Variants in NFATC1 observed in about 807,000 individuals in gnomAD.
NFATC1 encodes the protein nuclear factor of activated T cells 1, also known as nuclear factor of activated T-cells, cytoplasmic 1.
A neutral mutation model predicts 76.0 loss-of-function variants in NFATC1; 22 were observed. That is an observed-to-expected ratio of 0.29 (90% CI 0.21 to 0.41). The LOEUF is 0.41. NFATC1 is among the 10% of genes least tolerant of loss of function. The pLI is 1.00. For synonymous variants in NFATC1, 704 were observed against 613.1 expected, an observed-to-expected ratio of 1.15 and a Z score of -2.19; for missense variants, 1,357 against 1,337.7, an observed-to-expected ratio of 1.01 and a Z score of -0.23.
At chr18:79,519,963 A>C (rs2090475294) in intron 9 of NFATC1, among the ~76,000 whole-genome samples, 1 of 152,158 alleles carries the variant, frequency 6.6e-6, no homozygotes, top group Admixed American at 6.5e-5. Context: ...CGGGCGAGAT[A>C]AGTGGCATTG....
At chr18:79,517,561 T>C (rs1600987517) in intron 9 of NFATC1, among the ~76,000 whole-genome samples, 1 of 152,218 alleles carries the variant, frequency 6.6e-6, no homozygotes, top group Non-Finnish European at 1.5e-5. Context: ...CATGCCCCCG[T>C]AGGCCGTGGG....
intron 2 of NFATC1, among the ~76,000 whole-genome samples, chr18:79,427,187 CGTT>C (rs1290377146): frequency 2.0e-5 from 3 of 152,212 alleles, no homozygotes; most frequent in African/African-American, 7.2e-5. Context: ...CATGCCGTGA[CGTT>C]GTCCTTCACG....
intron 8 of NFATC1, among the ~76,000 whole-genome samples, chr18:79,479,000 G>A (rs886932234): frequency 6.6e-6 from 1 of 152,232 alleles, no homozygotes; most frequent in African/African-American, 2.4e-5. Context: ...GGGCTGCCGT[G>A]GACGATGGGG....
Position 79,410,569 on chromosome 18 carries a change from G to A in NFATC1, c.294G>A (p.Ala98=), listed in dbSNP as rs2230113. 2.2e-3 allele frequency: 3,571 copies of A among 1,611,706 alleles called. 68 individuals carry two copies. In the African/African-American group the frequency reaches 0.042, roughly 19 times the overall value. The change falls in exon 2 of 10, where the codon GCG becomes GCA. Residue 98 remains alanine (A), a synonymous_variant. Transcript: ENST00000427363. The surrounding 1 kb of genome is among the most constrained non-coding windows in gnomAD (Gnocchi z 6.7). ...GYGAALDGGP[A]GYFLSSGHTR... Reference sequence around the variant, plus strand: ...GAGCAGCTTTGGACGGTGGGCCCGCGGGCTACTTCCTCTCCTCCGGCCACA... The same window carrying A: ...GAGCAGCTTTGGACGGTGGGCCCGCAGGCTACTTCCTCTCCTCCGGCCACA...
intron 9 of NFATC1, among the ~76,000 whole-genome samples, chr18:79,520,710 TGTGTGGGG>T (rs2090512643): frequency 2.3e-4 from 2 of 8,730 alleles, no homozygotes; most frequent in East Asian, 2.7e-3. Context: ...CTGATATGTG[TGTGTGGGG>T]GGGGGGCATC....
intron 3 of NFATC1, chr18:79,448,529 A>G: frequency 1.9e-6 from 1 of 525,912 alleles, no homozygotes. Context: ...GAATGGGCAC[A>G]CACAGCAAGT....
chr18:79,527,636 T>G lies in NFATC1; in HGVS notation c.*59T>G. Reference sequence around the variant, plus strand: ...ATGCTGACTTCAGCAGACAAAGACTTTTGAATAAATAAACTGAACTCACAC... The same window carrying G: ...ATGCTGACTTCAGCAGACAAAGACTGTTGAATAAATAAACTGAACTCACAC... On this transcript the variant is annotated 3_prime_UTR_variant, in exon 10 of 10. Coordinates refer to ENST00000427363, the MANE Select transcript of NFATC1 (RefSeq NM_001278669.2). The G allele has an allele frequency of 6.7e-7, 1 of 1,493,126 alleles. No individual in the cohort carries two copies. The highest frequency in any genetic ancestry group is 9.3e-7 in the Non-Finnish European group (1 of 1,072,688). The allele number at this position is 1,493,126 out of a possible 1,614,324, so 92.5% of individuals were successfully genotyped here.
At chr18:79,468,106 C>G (rs1188084155) in intron 8 of NFATC1, 1 of 513,632 alleles carries the variant, frequency 1.9e-6, no homozygotes, top group Non-Finnish European at 2.5e-6. Flanking sequence ...CACGGGCATC[C>G]AGGCTGGGGC....
Position 79,527,655 on chromosome 18 carries a change from C to T in NFATC1, c.*78C>T. On this transcript the variant is annotated 3_prime_UTR_variant, in exon 10 of 10. Coordinates refer to ENST00000427363, the MANE Select transcript of NFATC1 (RefSeq NM_001278669.2). Reference sequence around the variant, plus strand: ...AAGACTTTTGAATAAATAAACTGAACTCACACCTGGTACCACTCAGAACCT... The same window carrying T: ...AAGACTTTTGAATAAATAAACTGAATTCACACCTGGTACCACTCAGAACCT... 7.7e-7 allele frequency: 1 copy of T among 1,292,982 alleles called. No homozygotes were observed. The highest frequency in any genetic ancestry group is 1.1e-6 in the Non-Finnish European group (1 of 896,036). The allele number at this position is 1,292,982 out of a possible 1,614,324, so 80.1% of individuals were successfully genotyped here.
At chr18:79,513,907 C>T (rs2090319669) in intron 9 of NFATC1, among the ~76,000 whole-genome samples, 1 of 152,190 alleles carries the variant, frequency 6.6e-6, no homozygotes, top group African/African-American at 2.4e-5. Flanking sequence ...TCCTTTGTCT[C>T]CCTGTGTGCT....
At chr18:79,415,989 G>A (rs2085863345) in intron 2 of NFATC1, among the ~76,000 whole-genome samples, 1 of 152,230 alleles carries the variant, frequency 6.6e-6, no homozygotes, top group Non-Finnish European at 1.5e-5. Flanking sequence ...TTGAACCCAG[G>A]AGGCGGAGGT....
intron 6 of NFATC1, among the ~76,000 whole-genome samples, chr18:79,456,889 A>C (rs1454792793): frequency 6.6e-6 from 1 of 152,204 alleles, no homozygotes; most frequent in African/African-American, 2.4e-5. Context: ...CGTCCGCGGC[A>C]CGGGCAGCCT....
At chr18:79,473,456 CATT>C (rs1285342401) in intron 8 of NFATC1, among the ~76,000 whole-genome samples, 1 of 149,400 alleles carries the variant, frequency 6.7e-6, no homozygotes, top group Non-Finnish European at 1.5e-5. Context: ...GTTCTCAGCT[CATT>C]GTCGACGTAA....
At chr18:79,457,886 G>A (rs1027381736) in intron 6 of NFATC1, among the ~76,000 whole-genome samples, 16 of 152,204 alleles carry the variant, frequency 1.1e-4, no homozygotes, top group African/African-American at 3.6e-4. Context: ...GGGTCAGGGC[G>A]TAGGGTCCTC....
chr18:79,495,333 C>T (rs1221020614), intron 9 of NFATC1, among the ~76,000 whole-genome samples: 3 of 152,210 alleles, frequency 2.0e-5, no homozygotes, highest in South Asian at 2.1e-4. Flanking sequence ...AAGATATTCA[C>T]TGTGGACACA....
intron 9 of NFATC1, 58 bp from the exon 10 acceptor site, chr18:79,527,470 G>A (rs369459677): frequency 4.5e-5 from 64 of 1,426,284 alleles, no homozygotes; most frequent in African/African-American, 1.5e-4. Flanking sequence ...GGCTGGGGGC[G>A]TTGCTTTGAT....
intron 3 of NFATC1, among the ~76,000 whole-genome samples, chr18:79,447,845 G>A (rs942901623): frequency 9.2e-5 from 14 of 152,232 alleles, no homozygotes; most frequent in African/African-American, 2.9e-4. Flanking sequence ...TGCTGAAGGC[G>A]GAACCACGCG....
chr18:79,428,609 T>C (rs1332482463), intron 2 of NFATC1, among the ~76,000 whole-genome samples: 1 of 152,226 alleles, frequency 6.6e-6, no homozygotes, highest in East Asian at 1.9e-4. Flanking sequence ...ACAATGAGGA[T>C]GGTCCTTGTG....
rs1175169912 is a variant in NFATC1 at position 79,474,809 on chromosome 18, G to A, written c.2092+7227G>A. The stretch of plus-strand genomic sequence containing the variant: ...AGGGAAGCGTTTTCACACTGTCGAC[G>A]TAAACCTGAGGGAAGCGTGTTCTCA... On this transcript the variant is annotated intron_variant, in intron 8 of 9. Coordinates refer to ENST00000427363, the MANE Select transcript of NFATC1 (RefSeq NM_001278669.2). 2.1e-5 allele frequency among the ~76,000 whole-genome samples: 3 copies of A among 143,902 alleles called. 1 individual carries two copies. Among genetic ancestry groups the A allele is most frequent in the Middle Eastern group, 0.01 (2 of 200 alleles). 94.4% of individuals were successfully genotyped at this position (143,902 alleles called of 152,430 possible).
Sources: gnomAD v4.1 joint callset for allele counts (sites outside exome capture counted in the v4.1 genomes callset) on GRCh38, gnomAD v4.1.1 for gene constraint, Gnocchi (gnomAD v3.1) non-coding constraint, MANE v1.5 for transcripts, NCBI Gene and HGNC (gene_info 2026-07-23, HGNC 2026-07-21) for gene names.